Variants in PLD5 observed in about 807,000 individuals in gnomAD.
The protein encoded by PLD5 is inactive phospholipase D5.
A neutral mutation model predicts 61.1 loss-of-function variants in PLD5; 36 were observed. That is an observed-to-expected ratio of 0.59 (90% CI 0.45 to 0.78). PLD5 has a LOEUF of 0.78. Among genes scored for constraint, PLD5 ranks in the 30% least tolerant of loss-of-function variants. PLD5 has a pLI of 0.00. For synonymous variants in PLD5, 243 were observed against 242.8 expected (o/e 1.00, Z -0.01); for missense variants, 515 against 644.4 (o/e 0.80, Z 2.17).
In PLD5 at chr1:242,395,052, AAT is replaced by A. The variant is rs1359149078; in HGVS notation, c.190-46812_190-46811del. 5.8e-5 allele frequency among the ~76,000 whole-genome samples: 6 copies of A among 102,588 alleles called. 1 individual carries two copies. Among genetic ancestry groups the A allele is most frequent in the South Asian group, 3.5e-4 (1 of 2,876 alleles). 67.3% of individuals were successfully genotyped at this position (102,588 alleles called of 152,430 possible). ...ATATATGAATGTATATGTATATATG[AAT>A]ATATATGTATATATATGAATATATA... On this transcript the variant is annotated intron_variant, in intron 1 of 9. Coordinates refer to ENST00000536534, the MANE Select transcript of PLD5 (RefSeq NM_001372062.1).
At chr1:242,252,228 C>G (rs1194040619) in intron 4 of PLD5, among the ~76,000 whole-genome samples, 2 of 152,160 alleles carry the variant, frequency 1.3e-5, no homozygotes, top group East Asian at 3.9e-4. Flanking sequence ...TGCTGAACAG[C>G]CTGCTAGGAA....
chr1:242,337,068 G>A (rs1260785965), intron 2 of PLD5, among the ~76,000 whole-genome samples: 1 of 151,848 alleles, frequency 6.6e-6, no homozygotes, highest in Non-Finnish European at 1.5e-5. Flanking sequence ...CAGGTCTCCT[G>A]GATGTAGAGC....
intron 9 of PLD5, among the ~76,000 whole-genome samples, chr1:242,097,405 G>A (rs1370946390): frequency 6.6e-6 from 1 of 152,116 alleles, no homozygotes; most frequent in Non-Finnish European, 1.5e-5. Flanking sequence ...ATCCTCTCCA[G>A]CACCTGTTGT....
At chr1:242,121,578 G>A (rs191031359) in intron 6 of PLD5, among the ~76,000 whole-genome samples, 2,401 of 152,116 alleles carry the variant, frequency 0.016, 64 homozygotes, top group African/African-American at 0.055. Flanking sequence ...TGACCCAGCC[G>A]TCCCATTGCT....
chr1:242,124,501 C>G lies in PLD5; in HGVS notation c.900G>C (p.Gln300His). 1 of 1,614,058 alleles carries G rather than the reference C, an allele frequency of 6.2e-7. No individual in the cohort carries two copies. Among genetic ancestry groups the G allele is most frequent in the Non-Finnish European group, 8.5e-7 (1 of 1,179,980 alleles). Residue 300 changes from glutamine (Q) to histidine (H), a missense_variant, in exon 6 of 10, where the codon CAG becomes CAC. Transcript: ENST00000536534. ...ATGCTTGAGATTTGGTTTCATTCAA[C>G]TGAAGTTGCAATTTCTTTTCATTGT... ...VYDNEKKLQLQLNETKSQAFV... is the reference protein window; with the variant it reads ...VYDNEKKLQLHLNETKSQAFV...
chr1:242,309,620 C>T (rs1676581716), intron 2 of PLD5, among the ~76,000 whole-genome samples: 1 of 151,528 alleles, frequency 6.6e-6, no homozygotes, highest in Non-Finnish European at 1.5e-5. Flanking sequence ...GTGATCCGCC[C>T]ACCTCGGCCT....
At chr1:242,172,509 A>G (rs1481490439) in intron 5 of PLD5, among the ~76,000 whole-genome samples, 1 of 152,116 alleles carries the variant, frequency 6.6e-6, no homozygotes, top group African/African-American at 2.4e-5. Context: ...CTAGCAGAAG[A>G]CAAGAAATAA....
intron 1 of PLD5, among the ~76,000 whole-genome samples, chr1:242,497,416 T>C (rs1446837318): frequency 6.6e-6 from 1 of 152,196 alleles, no homozygotes; most frequent in East Asian, 1.9e-4. Flanking sequence ...GCAATGCACC[T>C]GCCCAAAAAG....
intron 1 of PLD5, among the ~76,000 whole-genome samples, chr1:242,491,679 G>A (rs978090467): frequency 6.6e-6 from 1 of 152,132 alleles, no homozygotes; most frequent in African/African-American, 2.4e-5. Context: ...TCAGTTTTAT[G>A]TTGCCTCATT....
At chr1:242,449,543 A>G in intron 1 of PLD5, 1 of 1,450,666 alleles carries the variant, frequency 6.9e-7, no homozygotes, top group Admixed American at 2.6e-5. Flanking sequence ...AGCCAAACTG[A>G]GCACGAAGAG....
At chr1:242,118,602 GTT>G (rs890243581) in intron 6 of PLD5, among the ~76,000 whole-genome samples, 12 of 152,216 alleles carry the variant, frequency 7.9e-5, no homozygotes, top group African/African-American at 2.4e-4. Flanking sequence ...AATGTTGGAG[GTT>G]TGTCTGTTGG....
rs867806823 is a variant in PLD5, at chr1:242,465,464, C to T, written c.189+58624G>A. Reference sequence around the variant, plus strand: ...CTACTTGAAACTCTGCAATGGCTTCCCATTTATTTCAGGGCAAGAGCTAAA... The same window carrying T: ...CTACTTGAAACTCTGCAATGGCTTCTCATTTATTTCAGGGCAAGAGCTAAA... On this transcript the variant is annotated intron_variant, in intron 1 of 9. Transcript: ENST00000536534. Among the ~76,000 whole-genome samples the T allele has an allele frequency of 2.6e-5, 4 of 152,338 alleles. No homozygotes were observed. The Middle Eastern group carries it at 0.01, about 389-fold the overall frequency.
At chr1:242,456,432 C>T (rs928131922) in intron 1 of PLD5, among the ~76,000 whole-genome samples, 8 of 152,088 alleles carry the variant, frequency 5.3e-5, no homozygotes, top group Admixed American at 3.3e-4. Context: ...TAGAACATGC[C>T]CATCATTGCA....
intron 2 of PLD5, among the ~76,000 whole-genome samples, chr1:242,334,646 A>C (rs551271293): frequency 6.6e-6 from 1 of 152,264 alleles, no homozygotes; most frequent in South Asian, 2.1e-4. Context: ...ACAGAAAGGA[A>C]TCAGAATATG....
chr1:242,412,478 T>A (rs965329256), intron 1 of PLD5, among the ~76,000 whole-genome samples: 3 of 152,346 alleles, frequency 2.0e-5, no homozygotes, highest in African/African-American at 7.2e-5. Flanking sequence ...TATAATTTTA[T>A]CACCTTGGTT....
chr1:242,423,048 A>C lies in PLD5; in HGVS notation c.190-74806T>G, dbSNP rs182798721. Among the ~76,000 whole-genome samples, 475 of 151,776 alleles carry C rather than the reference A, an allele frequency of 3.1e-3. 2 individuals are homozygous for C. The highest frequency in any genetic ancestry group is 0.011 in the African/African-American group (455 of 41,380). ...AAATTTTTAGTAGCGACAAAGTCTC[A>C]CTATGTTGCCCAGGCTGGTCTTAAA... On this transcript the variant is annotated intron_variant, in intron 1 of 9. Coordinates refer to ENST00000536534, the MANE Select transcript of PLD5 (RefSeq NM_001372062.1).
intron 1 of PLD5, chr1:242,377,296 C>A: frequency 1.2e-6 from 2 of 1,607,822 alleles, no homozygotes; most frequent in South Asian, 1.1e-5. Flanking sequence ...AAGCCACACA[C>A]GGCACACTTG....
intron 3 of PLD5, among the ~76,000 whole-genome samples, chr1:242,268,830 C>T (rs1426517340): frequency 2.6e-5 from 4 of 152,052 alleles, no homozygotes; most frequent in Admixed American, 1.3e-4. Flanking sequence ...TTCTGAGTTA[C>T]ATTCACTCAT....
chr1:242,373,291 C>G (rs113263988), intron 1 of PLD5, among the ~76,000 whole-genome samples: 8,731 of 152,176 alleles, frequency 0.057, 306 homozygotes, highest in Admixed American at 0.098. Context: ...ATTAAAAAGT[C>G]AGGAAACAAC....
Sources: allele counts gnomAD v4.1 joint callset (sites outside exome capture counted in the v4.1 genomes callset), GRCh38; gene constraint gnomAD v4.1.1; transcripts MANE v1.5; gene names NCBI Gene and HGNC (gene_info 2026-07-23, HGNC 2026-07-21).